PHKB: variants seen among roughly 807,000 people sequenced by gnomAD.
PHKB encodes the protein phosphorylase b kinase regulatory subunit beta.
A neutral mutation model predicts 152.1 loss-of-function variants in PHKB; 122 were observed. The observed-to-expected ratio is 0.80, with a 90% CI of 0.69 to 0.93. The LOEUF (loss-of-function observed/expected upper bound fraction) is 0.93, where lower values mean the gene tolerates loss of function less well. PHKB is among the 40% of genes least tolerant of loss of function. PHKB has a pLI of 0.00. For synonymous variants in PHKB, 436 were observed against 464.9 expected (o/e 0.94, Z 0.80); for missense variants, 1,304 against 1,328.4 (o/e 0.98, Z 0.29).
At chr16:47,530,278 G>A (rs1054971743) in intron 6 of PHKB, among the ~76,000 whole-genome samples, 2 of 151,946 alleles carry the variant, frequency 1.3e-5, no homozygotes, top group African/African-American at 4.8e-5. Context: ...TGGGATCACA[G>A]GCGTGTGCCA....
At chr16:47,630,245 G>A (rs1315955630) in intron 14 of PHKB, among the ~76,000 whole-genome samples, 1 of 152,094 alleles carries the variant, frequency 6.6e-6, no homozygotes, top group Non-Finnish European at 1.5e-5. Context: ...ACTTTGGGAG[G>A]CCGAGGTGGG....
chr16:47,668,623 T>C (rs1466218487), intron 25 of PHKB, among the ~76,000 whole-genome samples: 2 of 152,148 alleles, frequency 1.3e-5, no homozygotes, highest in Non-Finnish European at 2.9e-5. Flanking sequence ...TGTCCCAGGC[T>C]GTGGGCAGCC....
chr16:47,634,938 T>C (rs990779789), intron 14 of PHKB, among the ~76,000 whole-genome samples: 136 of 152,138 alleles, frequency 8.9e-4, no homozygotes, highest in Non-Finnish European at 2.5e-4. Flanking sequence ...GGTGGAGTAG[T>C]AGTGAGATGA....
At position 47,665,965 on chromosome 16, in the gene PHKB, G is replaced by A; in HGVS notation, c.2427+990G>A. 2 of 1,613,996 alleles carry A rather than the reference G, an allele frequency of 1.2e-6. No individual in the cohort carries two copies. Among genetic ancestry groups the A allele is most frequent in the Non-Finnish European group, 1.7e-6 (2 of 1,179,862 alleles). On this transcript the variant is annotated intron_variant, in intron 25 of 30. Coordinates refer to ENST00000323584, the MANE Select transcript of PHKB (RefSeq NM_000293.3). ...AGGTCGGTTGTACGCCGTGCAGCAA[G>A]TCTTTTAAGTAAAGTAGTGGACAGC... is the stretch of plus-strand genomic sequence containing the variant.
chr16:47,465,653 A>C (rs749186349), intron 1 of PHKB, among the ~76,000 whole-genome samples: 6 of 152,214 alleles, frequency 3.9e-5, no homozygotes, highest in Non-Finnish European at 7.3e-5. Flanking sequence ...TATCTGTTAA[A>C]ATAATAAGTA....
At chr16:47,603,646 G>T (rs1041319289) in intron 13 of PHKB, among the ~76,000 whole-genome samples, 7 of 151,872 alleles carry the variant, frequency 4.6e-5, no homozygotes, top group African/African-American at 1.2e-4. Flanking sequence ...TGGGGCTACA[G>T]GTGCTCACCA....
chr16:47,613,308 A>C (rs1334632268), intron 14 of PHKB, among the ~76,000 whole-genome samples: 1 of 152,220 alleles, frequency 6.6e-6, no homozygotes, highest in Non-Finnish European at 1.5e-5. Flanking sequence ...CTTCCAGTGG[A>C]GTCAAATGAG....
At chr16:47,664,753 T>A in intron 24 of PHKB, 132 bp from the exon 25 acceptor site, 1 of 709,834 alleles carries the variant, frequency 1.4e-6, no homozygotes, top group South Asian at 1.5e-5. Context: ...GCTTTATGTA[T>A]TACACTTTAT....
intron 1 of PHKB, among the ~76,000 whole-genome samples, chr16:47,480,147 G>GC (rs1449210896): frequency 1.3e-5 from 2 of 152,138 alleles, no homozygotes; most frequent in Non-Finnish European, 2.9e-5. Context: ...TCAGTAGGGA[G>GC]CTCTGCTTCA....
At chr16:47,514,322 C>G (rs566458262) in intron 5 of PHKB, among the ~76,000 whole-genome samples, 79 of 152,228 alleles carry the variant, frequency 5.2e-4, no homozygotes, top group African/African-American at 1.9e-3. Flanking sequence ...AGCAAGGATG[C>G]CACTAATGTG....
chr16:47,570,057 C>T (rs1971632729), intron 7 of PHKB, among the ~76,000 whole-genome samples: 1 of 152,228 alleles, frequency 6.6e-6, no homozygotes, highest in Non-Finnish European at 1.5e-5. Context: ...CTTAGTTTTG[C>T]TCTGTGCAGA....
chr16:47,462,657 C>T (rs555589319), intron 1 of PHKB: 8 of 151,038 alleles, frequency 5.3e-5, no homozygotes, highest in African/African-American at 1.7e-4. Context: ...ATTATTTTCT[C>T]ACCTAATATG....
At chr16:47,524,284 C>G (rs1021778061) in intron 6 of PHKB, among the ~76,000 whole-genome samples, 10 of 152,108 alleles carry the variant, frequency 6.6e-5, no homozygotes, top group African/African-American at 1.7e-4. Flanking sequence ...TGTACCTTCC[C>G]CTACTGCCAA....
intron 20 of PHKB, among the ~76,000 whole-genome samples, chr16:47,658,027 C>T (rs1973369431): frequency 6.6e-6 from 1 of 152,144 alleles, no homozygotes; most frequent in African/African-American, 2.4e-5. Flanking sequence ...CAGATTAGGT[C>T]ATATATCATA....
chr16:47,685,310 A>T (rs1012689330), intron 26 of PHKB, among the ~76,000 whole-genome samples: 25 of 152,204 alleles, frequency 1.6e-4, no homozygotes, highest in Non-Finnish European at 3.4e-4. Context: ...CTGTAATCCC[A>T]GCTACTCAGG....
chr16:47,502,989 A>G lies in PHKB; in HGVS notation c.306-2A>G, dbSNP rs797044442. ...GTTTCATGAGTTATCTCTCTCACCC[A>G]GGCGAATTGATGATGACAAGGGAAG... On this transcript the variant is annotated splice_acceptor_variant, in intron 3 of 30. Transcript: ENST00000323584. LOFTEE classifies it high-confidence loss of function. 6 of 1,602,790 alleles carry G rather than the reference A, an allele frequency of 3.7e-6. No homozygotes were observed. The Admixed American group carries it at 6.7e-5, about 18-fold the overall frequency.
At chr16:47,547,869 C>A in intron 7 of PHKB, 1 of 332,538 alleles carries the variant, frequency 3.0e-6, no homozygotes. Context: ...TTTGAAATTA[C>A]CTCATTTGAA....
intron 7 of PHKB, among the ~76,000 whole-genome samples, chr16:47,569,386 AC>A (rs2151686522): frequency 6.6e-6 from 1 of 152,144 alleles, no homozygotes; most frequent in Non-Finnish European, 1.5e-5. Flanking sequence ...CCTTGACTCT[AC>A]AAGAATCTTT....
At chr16:47,567,820 T>C (rs1031797571) in intron 7 of PHKB, among the ~76,000 whole-genome samples, 2 of 152,234 alleles carry the variant, frequency 1.3e-5, no homozygotes, top group Admixed American at 1.3e-4. Context: ...TTTTTTATTC[T>C]GTTTATGTGA....
Sources: allele counts gnomAD v4.1 joint callset (sites outside exome capture counted in the v4.1 genomes callset), GRCh38; gene constraint gnomAD v4.1.1; transcripts MANE v1.5; gene names NCBI Gene and HGNC (gene_info 2026-07-23, HGNC 2026-07-21).